Variants in DRC9 observed in about 807,000 individuals in gnomAD.
The protein encoded by DRC9 is dynein regulatory complex protein 9.
chr3:197,948,061 T>G, the DRC9 span, among the ~76,000 whole-genome samples: 1 of 150,502 alleles, frequency 6.6e-6, no homozygotes, highest in Admixed American at 6.7e-5. Flanking sequence ...GCCTCCCAAG[T>G]AGCTGGGATG....
chr3:197,940,983 G>A, the DRC9 span, among the ~76,000 whole-genome samples: 5 of 142,714 alleles, frequency 3.5e-5, no homozygotes, highest in Non-Finnish European at 7.6e-5. Flanking sequence ...CTGGAGTAGT[G>A]ACCACTGCTG....
chr3:197,923,928 T>C, the DRC9 span, among the ~76,000 whole-genome samples: 1 of 151,780 alleles, frequency 6.6e-6, no homozygotes, highest in African/African-American at 2.4e-5. Flanking sequence ...CAGCCTGGCG[T>C]GGTGGCACGT....
the DRC9 span, among the ~76,000 whole-genome samples, chr3:197,936,984 A>G: frequency 6.6e-6 from 1 of 152,208 alleles, no homozygotes; most frequent in African/African-American, 2.4e-5. Context: ...TTCTGTAAAG[A>G]GGCACGTAGT....
At chr3:197,915,531 A>G in the DRC9 span, among the ~76,000 whole-genome samples, 3 of 152,224 alleles carry the variant, frequency 2.0e-5, no homozygotes, top group Non-Finnish European at 4.4e-5. Context: ...GTAAGTCCAC[A>G]GGGAGGGGAC....
chr3:197,931,047 AAAAG>A, the DRC9 span, among the ~76,000 whole-genome samples: 8 of 152,048 alleles, frequency 5.3e-5, no homozygotes, highest in African/African-American at 1.9e-4. Flanking sequence ...AAAGAAAAAA[AAAAG>A]AAAAGAAAAG....
chr3:197,918,889 A>T, the DRC9 span, among the ~76,000 whole-genome samples: 27 of 152,206 alleles, frequency 1.8e-4, no homozygotes, highest in East Asian at 4.9e-3. Context: ...GCTCATTGCA[A>T]CTTCGGTCTC....
chr3:197,920,257 G>A, the DRC9 span, among the ~76,000 whole-genome samples: 2 of 151,836 alleles, frequency 1.3e-5, no homozygotes, highest in Non-Finnish European at 2.9e-5. Flanking sequence ...TGCTGTCTAT[G>A]ACTTAGAATA....
the DRC9 span, among the ~76,000 whole-genome samples, chr3:197,893,133 G>A: frequency 3.4e-4 from 51 of 151,154 alleles, no homozygotes; most frequent in East Asian, 9.9e-4. Flanking sequence ...TGAAGTGGGC[G>A]GATCACCTGT....
the DRC9 span, chr3:197,912,753 T>C: frequency 5.6e-6 from 9 of 1,612,068 alleles, no homozygotes; most frequent in Non-Finnish European, 7.6e-6. Flanking sequence ...TGAGTTTCTG[T>C]AAGAACAATC....
At chr3:197,907,890 C>A in the DRC9 span, among the ~76,000 whole-genome samples, 151 of 147,318 alleles carry the variant, frequency 1.0e-3, no homozygotes, top group Admixed American at 3.1e-3. Context: ...ACAGGGGTGA[C>A]TGTACCACGT....
At chr3:197,892,861 A>G in the DRC9 span, 13 of 1,439,104 alleles carry the variant, frequency 9.0e-6, no homozygotes, top group South Asian at 1.6e-4. Flanking sequence ...AGAACATTCC[A>G]TAGTGAGAGA....
At chr3:197,921,839 T>C in the DRC9 span, among the ~76,000 whole-genome samples, 34,282 of 133,664 alleles carry the variant, frequency 0.26, 7,847 homozygotes, top group African/African-American at 0.58. Flanking sequence ...CCTGATTTCA[T>C]CTTGATTGAC....
At chr3:197,897,192 T>C in the DRC9 span, among the ~76,000 whole-genome samples, 1 of 150,652 alleles carries the variant, frequency 6.6e-6, no homozygotes, top group Non-Finnish European at 1.5e-5. Flanking sequence ...GAAATCAGTG[T>C]TTAGATGAAA....
At chr3:197,913,333 C>T in the DRC9 span, 3 of 206,088 alleles carry the variant, frequency 1.5e-5, no homozygotes, top group African/African-American at 5.4e-5. Flanking sequence ...TGTGTGCGTG[C>T]GTGCGTGCGT....
chr3:197,913,815 G>A, the DRC9 span: 1 of 1,477,616 alleles, frequency 6.8e-7, no homozygotes. Context: ...TGTTAGCTGA[G>A]AGGGGATCAG....
chr3:197,906,213 C>A, the DRC9 span, among the ~76,000 whole-genome samples: 7 of 152,120 alleles, frequency 4.6e-5, no homozygotes, highest in African/African-American at 1.2e-4. Context: ...CACCAGAGTG[C>A]GGCTGCCAGC....
At chr3:197,889,753 G>A in the DRC9 span, 1 of 1,611,734 alleles carries the variant, frequency 6.2e-7, no homozygotes, top group Non-Finnish European at 8.5e-7. Flanking sequence ...CGTATGCTAT[G>A]CCTGACAAGC....
At chr3:197,904,108 A>T in the DRC9 span, among the ~76,000 whole-genome samples, 6,517 of 38,564 alleles carry the variant, frequency 0.17, 225 homozygotes, top group Non-Finnish European at 0.23. Context: ...ATATATATAT[A>T]TATTTTTTTT....
At chr3:197,943,758 C>T in the DRC9 span, 1 of 1,596,496 alleles carries the variant, frequency 6.3e-7, no homozygotes, top group South Asian at 1.1e-5. Context: ...AAAATTAACT[C>T]ATGGTGAGTG....
Sources: allele counts gnomAD v4.1 joint callset (sites outside exome capture counted in the v4.1 genomes callset), GRCh38; gene constraint gnomAD v4.1.1; transcripts MANE v1.5; gene names NCBI Gene and HGNC (gene_info 2026-07-23, HGNC 2026-07-21).